The following SSH1 variants were observed in gnomAD, a reference collection of about 807,000 sequenced individuals.
The protein encoded by SSH1 is protein phosphatase Slingshot homolog 1.
Under a neutral mutation model 79.7 loss-of-function variants are expected in SSH1, and 43 were observed. The observed-to-expected ratio is 0.54, with a 90% CI of 0.42 to 0.70. The LOEUF (loss-of-function observed/expected upper bound fraction) is 0.70, where lower values mean the gene tolerates loss of function less well. SSH1 is among the 30% of genes least tolerant of loss of function. The probability of loss-of-function intolerance (pLI) is 0.00; values close to 1 mark genes in which losing one functional copy is unlikely to be tolerated. For synonymous variants in SSH1, 599 were observed against 538.3 expected (o/e 1.11, Z -1.56); for missense variants, 1,206 against 1,358.8 (o/e 0.89, Z 1.77).
intron 2 of SSH1, among the ~76,000 whole-genome samples, chr12:108,826,579 ACAGGATTT>A (rs1375190716): frequency 6.6e-6 from 1 of 152,056 alleles, no homozygotes; most frequent in African/African-American, 2.4e-5. Flanking sequence ...ATGGTCAGTC[ACAGGATTT>A]ATGAAAACAA....
intron 2 of SSH1, among the ~76,000 whole-genome samples, chr12:108,824,173 G>A (rs531749352): frequency 1.3e-5 from 2 of 152,190 alleles, no homozygotes; most frequent in Non-Finnish European, 2.9e-5. Flanking sequence ...GGAGGGGCCG[G>A]GTGGCTCAAG....
intron 2 of SSH1, among the ~76,000 whole-genome samples, chr12:108,830,853 C>T (rs1271858930): frequency 6.6e-6 from 1 of 152,040 alleles, no homozygotes; most frequent in Non-Finnish European, 1.5e-5. Flanking sequence ...CTATGTTGCC[C>T]AGGCTGGTCT....
rs1230981160 is a variant in SSH1 at position 108,780,713 on chromosome 12, G to C, written c.*7275C>G. 2.6e-5 allele frequency: 4 copies of C among 152,164 alleles called. No individual in the cohort carries two copies. The highest frequency in any genetic ancestry group is 9.7e-5 in the African/African-American group (4 of 41,432). The allele number at this position is 152,164 out of a possible 1,614,324, so 9.4% of individuals were successfully genotyped here. ...ATTTGTTTTTAAAACATTTTACAGA[G>C]AGGGCTGCATTATAGCTTGATAACA... On this transcript the variant is annotated 3_prime_UTR_variant, in exon 15 of 15. Transcript: ENST00000326495.
chr12:108,817,136 C>T lies in SSH1; in HGVS notation c.303G>A (p.Trp101Ter). Residue 101 changes from tryptophan to a stop codon, truncating the protein, a stop_gained, in exon 5 of 15, where the codon TGG (tryptophan) becomes TGA (stop). Coordinates refer to ENST00000326495, the MANE Select transcript of SSH1 (RefSeq NM_018984.4). LOFTEE classifies it high-confidence loss of function. ...IKLAVRLESAWADRVRYMVVV... is the reference protein window; with the variant it reads ...IKLAVRLESA ...CCACCATGTACCGGACCCGGTCCGC[C>T]CAGGCGCTCTCCAGGCGCACTGCCT... 1.2e-6 allele frequency: 2 copies of T among 1,614,150 alleles called. No individual in the cohort carries two copies. Among genetic ancestry groups the T allele is most frequent in the Non-Finnish European group, 1.7e-6 (2 of 1,180,034 alleles).
chr12:108,844,753 A>G (rs2038859948), intron 2 of SSH1, among the ~76,000 whole-genome samples: 1 of 152,226 alleles, frequency 6.6e-6, no homozygotes, highest in Non-Finnish European at 1.5e-5. Flanking sequence ...AAGACCCTAC[A>G]GAAGCAGACT....
Position 108,789,183 on chromosome 12 carries a change from C to T in SSH1, c.1955G>A (p.Cys652Tyr), listed in dbSNP as rs746837080. 6.2e-7 allele frequency: 1 copy of T among 1,609,676 alleles called. No individual in the cohort carries two copies. Among genetic ancestry groups the T allele is most frequent in the South Asian group, 1.1e-5 (1 of 90,454 alleles). ...VKPSYKSCADCMYPTASGAPE... is the reference protein window; with the variant it reads ...VKPSYKSCADYMYPTASGAPE... ...AGCCCCGCTGGCTGTAGGGTACATG[C>T]AGTCGGCACAGGATTTATAGGAAGG... Residue 652 changes from cysteine to tyrosine, a missense_variant, in exon 15 of 15, where the codon TGC (cysteine) becomes TAC (tyrosine). Physicochemically the swap from Cys to Tyr is radical, Grantham distance 194. Transcript: ENST00000326495.
intron 1 of SSH1, chr12:108,853,214 T>TG: frequency 4.1e-6 from 4 of 985,388 alleles, no homozygotes; most frequent in Non-Finnish European, 4.8e-6. Context: ...CGAAAAGACT[T>TG]AAACATTTGA....
At chr12:108,806,263 T>C in intron 9 of SSH1, 38 bp downstream of exon 9, 1 of 1,570,366 alleles carries the variant, frequency 6.4e-7, no homozygotes, top group Non-Finnish European at 8.8e-7. Flanking sequence ...GGAGGCTGCA[T>C]GACCTCTGAC....
At chr12:108,816,970 G>A in intron 5 of SSH1, 68 bp downstream of exon 5, 1 of 1,606,378 alleles carries the variant, frequency 6.2e-7, no homozygotes, top group Non-Finnish European at 8.5e-7. Flanking sequence ...ATGGGACCAT[G>A]GAATGCTTTG....
chr12:108,836,235 A>G lies in SSH1; in HGVS notation c.111-12874T>C, dbSNP rs185140693. Among the ~76,000 whole-genome samples, 30 of 152,116 alleles carry G rather than the reference A, an allele frequency of 2.0e-4. No individual in the cohort carries two copies. The East Asian group carries it at 5.0e-3, about 25-fold the overall frequency. On this transcript the variant is annotated intron_variant, in intron 2 of 14. Coordinates refer to ENST00000326495, the MANE Select transcript of SSH1 (RefSeq NM_018984.4). ...TACCAGTCTGAACTCATAGTTTTCA[A>G]CCTATTGAAATAAATATAGATGCAC...
chr12:108,846,035 C>CA lies in SSH1; in HGVS notation c.110+6602dup, dbSNP rs1446663646. ...GACACTGTAGGGGAGGGGGTGAAGGCAAAACCACACTTCAAAAGGCTGTAG... is the reference window on the plus strand; with the variant it reads ...GACACTGTAGGGGAGGGGGTGAAGGCAAAAACCACACTTCAAAAGGCTGTAG... On this transcript the variant is annotated intron_variant, in intron 2 of 14. Transcript: ENST00000326495. 4.3e-4 allele frequency among the ~76,000 whole-genome samples: 66 copies of CA among 152,234 alleles called. 1 individual carries two copies. The highest frequency in any genetic ancestry group is 4.3e-3 in the Admixed American group (66 of 15,292).
intron 9 of SSH1, among the ~76,000 whole-genome samples, chr12:108,805,508 A>C (rs2037226075): frequency 6.6e-6 from 1 of 151,470 alleles, no homozygotes; most frequent in Admixed American, 6.6e-5. Flanking sequence ...ATCTAAAATC[A>C]GTTCTATCTT....
Position 108,783,696 on chromosome 12 carries a change from AGT to A in SSH1, c.*4290_*4291del, listed in dbSNP as rs1458251745. 1 of 152,254 alleles carries A rather than the reference AGT, an allele frequency of 6.6e-6. No homozygotes were observed. The highest frequency in any genetic ancestry group is 1.5e-5 in the Non-Finnish European group (1 of 68,046). The allele number at this position is 152,254 out of a possible 1,614,324, so 9.4% of individuals were successfully genotyped here. A position where few individuals can be genotyped will look rare whatever the true frequency, so the allele number is the denominator to read the frequency against. ...ATTTGCTCTGTGGCTCAGGTGACAC[AGT>A]GTGTCTGGATGCACATGATCACTTG... On this transcript the variant is annotated 3_prime_UTR_variant, in exon 15 of 15. Transcript: ENST00000326495.
At chr12:108,852,291 A>G (rs975190993) in intron 2 of SSH1, among the ~76,000 whole-genome samples, 4 of 148,220 alleles carry the variant, frequency 2.7e-5, no homozygotes, top group Admixed American at 2.0e-4. Flanking sequence ...GCTGGAGTGC[A>G]GTGGCGCAAT....
intron 12 of SSH1, among the ~76,000 whole-genome samples, chr12:108,799,787 G>T (rs1238323355): frequency 1.3e-5 from 2 of 152,112 alleles, no homozygotes; most frequent in East Asian, 3.9e-4. Flanking sequence ...CCGTTTATTT[G>T]TAAGGAGGCA....
At chr12:108,836,819 G>A in intron 2 of SSH1, 1 of 472,714 alleles carries the variant, frequency 2.1e-6, no homozygotes, top group Non-Finnish European at 4.5e-6. Context: ...CAACGAGGAC[G>A]CAGCATCCCT....
intron 8 of SSH1, among the ~76,000 whole-genome samples, 181 bp from the exon 9 acceptor site, chr12:108,806,575 G>T (rs910846074): frequency 2.0e-5 from 3 of 152,204 alleles, no homozygotes; most frequent in Non-Finnish European, 2.9e-5. Context: ...TGCAGCTCTA[G>T]AACTCCCACG....
intron 1 of SSH1, among the ~76,000 whole-genome samples, chr12:108,856,117 G>A (rs1308572298): frequency 2.0e-5 from 3 of 152,240 alleles, no homozygotes; most frequent in Non-Finnish European, 4.4e-5. Flanking sequence ...GCCTGGGACC[G>A]CAGGGCCGCT....
intron 6 of SSH1, 126 bp from the exon 7 acceptor site, chr12:108,809,884 A>C: frequency 1.2e-6 from 1 of 820,748 alleles, no homozygotes; most frequent in Non-Finnish European, 2.1e-6. Context: ...AGGCCACATG[A>C]TGAGGGATTT....
Sources: gnomAD v4.1 joint callset for allele counts (sites outside exome capture counted in the v4.1 genomes callset) on GRCh38, gnomAD v4.1.1 for gene constraint, MANE v1.5 for transcripts, NCBI Gene and HGNC (gene_info 2026-07-23, HGNC 2026-07-21) for gene names.